MIER2: variants seen among roughly 807,000 people sequenced by gnomAD.
MIER2 encodes the protein MIER family member 2.
A neutral mutation model predicts 67.6 loss-of-function variants in MIER2; 30 were observed. The observed-to-expected ratio is 0.44, with a 90% CI of 0.33 to 0.60. MIER2 has a LOEUF of 0.60. Among genes scored for constraint, MIER2 ranks in the 20% least tolerant of loss-of-function variants. The probability of loss-of-function intolerance (pLI) is 0.02; values close to 1 mark genes in which losing one functional copy is unlikely to be tolerated. For synonymous variants in MIER2, 372 were observed against 312.6 expected (o/e 1.19, Z -2.00); for missense variants, 702 against 745.1 (o/e 0.94, Z 0.67).
intron 10 of MIER2, among the ~76,000 whole-genome samples, chr19:310,548 CAGAAACACGGCCCGGAGCTAT>C (rs1255899218): frequency 2.0e-4 from 21 of 105,672 alleles, no homozygotes; most frequent in South Asian, 2.8e-4. Flanking sequence ...CCCGGAGCTG[CAGAAACACGGCCCGGAGCTAT>C]AGAAACACGG....
chr19:306,838 G>A, intron 13 of MIER2, 127 bp from the exon 14 acceptor site: 3 of 1,440,034 alleles, frequency 2.1e-6, no homozygotes, highest in Non-Finnish European at 2.8e-6. Context: ...TGGCAGCCGG[G>A]CCCGGGGTGC....
rs372275294 is a variant in MIER2 at position 314,161 on chromosome 19, A to C, written c.656-518T>G. Reference sequence around the variant, plus strand: ...GGCCCGTGGACAAGCGGGAGCCCCCACAGTTAGGCACTGTCGCGCTCTAAC... The same window carrying C: ...GGCCCGTGGACAAGCGGGAGCCCCCCCAGTTAGGCACTGTCGCGCTCTAAC... On this transcript the variant is annotated intron_variant, in intron 7 of 13. Coordinates refer to ENST00000264819, the MANE Select transcript of MIER2 (RefSeq NM_017550.3). Among the ~76,000 whole-genome samples, 535 of 152,316 alleles carry C rather than the reference A, an allele frequency of 3.5e-3. 1 individual carries two copies. The highest frequency in any genetic ancestry group is 0.03 in the South Asian group (147 of 4,828).
At chr19:325,390 T>A (rs1291670791) in intron 7 of MIER2, among the ~76,000 whole-genome samples, 2 of 152,032 alleles carry the variant, frequency 1.3e-5, no homozygotes, top group African/African-American at 4.8e-5. Context: ...GACGGGCTGC[T>A]GAGGGTCTGG....
chr19:314,381 G>A (rs1055027723), intron 7 of MIER2, among the ~76,000 whole-genome samples: 3 of 152,220 alleles, frequency 2.0e-5, no homozygotes, highest in African/African-American at 7.2e-5. Flanking sequence ...GACAAGGCAG[G>A]GGAGAGCTCA....
At chr19:342,994 C>T (rs1972571187) in intron 1 of MIER2, among the ~76,000 whole-genome samples, 1 of 152,160 alleles carries the variant, frequency 6.6e-6, no homozygotes. Context: ...AACCCACCCA[C>T]GTCTCTCTCT....
intron 7 of MIER2, among the ~76,000 whole-genome samples, chr19:317,219 C>G (rs146285525): frequency 1.3e-5 from 2 of 152,006 alleles, no homozygotes; most frequent in Non-Finnish European, 2.9e-5. Context: ...ATGGAGACAA[C>G]CCATCTCTAC....
Position 344,786 on chromosome 19 carries a change from C to CGT in MIER2, c.-6_-5dup. On this transcript the variant is annotated 5_prime_UTR_variant, in exon 1 of 14. Coordinates refer to ENST00000264819, the MANE Select transcript of MIER2 (RefSeq NM_017550.3). ...CCCGCTCACTCACCTCCGCCATGGC[C>CGT]GTGTGTGCGCGGGAGGCGGTGGCCG... 2 of 1,196,740 alleles carry CGT rather than the reference C, an allele frequency of 1.7e-6. No individual in the cohort carries two copies. The highest frequency in any genetic ancestry group is 1.0e-6 in the Non-Finnish European group (1 of 965,306). The allele number at this position is 1,196,740 out of a possible 1,614,324, so 74.1% of individuals were successfully genotyped here. A position where few individuals can be genotyped will look rare whatever the true frequency, so the allele number is the denominator to read the frequency against.
intron 7 of MIER2, among the ~76,000 whole-genome samples, chr19:316,585 C>T (rs756544169): frequency 5.3e-5 from 8 of 152,144 alleles, no homozygotes; most frequent in East Asian, 1.9e-4. Context: ...CCACCACAGC[C>T]GGCTCATATG....
chr19:309,039 C>A, intron 10 of MIER2, 114 bp from the exon 11 acceptor site: 1 of 1,429,484 alleles, frequency 7.0e-7, no homozygotes, highest in East Asian at 2.3e-5. Flanking sequence ...GCACAGCACC[C>A]ACCACTCTCA....
chr19:307,261 C>G lies in MIER2; in HGVS notation c.1474G>C (p.Asp492His), dbSNP rs767993093. ...LISSHVDLSG[D>H]PEETVAPAQV... ...GCTGGGGCCACAGTCTCCTCCGGAT[C>G]CCCGCTGAGGTCCACATGGCTGGAG... Residue 492 changes from aspartate (D) to histidine (H), a missense_variant, in exon 13 of 14, where the codon GAT becomes CAT. Transcript: ENST00000264819. 7 of 1,596,702 alleles carry G rather than the reference C, an allele frequency of 4.4e-6. No homozygotes were observed. The South Asian group carries it at 6.8e-5, about 16-fold the overall frequency.
chr19:326,666 C>A, intron 5 of MIER2, 68 bp from the exon 6 acceptor site: 1 of 1,233,098 alleles, frequency 8.1e-7, no homozygotes, highest in Non-Finnish European at 1.2e-6. Flanking sequence ...CCCTTCTCTC[C>A]ACTCCCATTC....
chr19:344,179 C>T, intron 1 of MIER2: 1 of 985,438 alleles, frequency 1.0e-6, no homozygotes, highest in Non-Finnish European at 1.2e-6. Flanking sequence ...GCTCTCTAGG[C>T]CCCGGCAGAC....
intron 7 of MIER2, among the ~76,000 whole-genome samples, chr19:320,969 G>A (rs1379604169): frequency 6.6e-6 from 1 of 152,144 alleles, no homozygotes; most frequent in East Asian, 1.9e-4. Context: ...ACATTTAGGG[G>A]CCACTTTAAT....
At position 334,422 on chromosome 19, in the gene MIER2, A is replaced by G; in HGVS notation, c.221T>C (p.Leu74Pro). 1 of 1,614,184 alleles carries G rather than the reference A, an allele frequency of 6.2e-7. No homozygotes were observed. Among genetic ancestry groups the G allele is most frequent in the African/African-American group, 1.3e-5 (1 of 75,060 alleles). ...SRCPDKPKEELEKDFISQSND... is the reference protein window; with the variant it reads ...SRCPDKPKEEPEKDFISQSND... ...TACCTGGGAGATGAAGTCCTTCTCC[A>G]GCTCCTCCTTGGGCTTGTCTGGGCA... is the stretch of plus-strand genomic sequence containing the variant. Residue 74 changes from leucine to proline, a missense_variant, in exon 3 of 14, where the codon CTG becomes CCG. Coordinates refer to ENST00000264819, the MANE Select transcript of MIER2 (RefSeq NM_017550.3).
At chr19:342,171 C>T (rs543769222) in intron 1 of MIER2, among the ~76,000 whole-genome samples, 2 of 152,320 alleles carry the variant, frequency 1.3e-5, no homozygotes, top group Admixed American at 6.5e-5. Flanking sequence ...CAGCACCCCA[C>T]TCCTCCGTCT....
rs1179309168 is a variant in MIER2 at position 308,747 on chromosome 19, C to A, written c.1109+54G>T. On this transcript the variant is annotated intron_variant, in intron 11 of 13. Coordinates refer to ENST00000264819, the MANE Select transcript of MIER2 (RefSeq NM_017550.3). This position sits in a 1 kb window ranked among gnomAD's most constrained non-coding sequence, Gnocchi z 9.1. Reference sequence around the variant, plus strand: ...AGGTGCCGCCCAGGCGCCCACGTGCCCACCCCCGGCGGGGTGGCCGCCTGT... The same window carrying A: ...AGGTGCCGCCCAGGCGCCCACGTGCACACCCCCGGCGGGGTGGCCGCCTGT... 1.3e-6 allele frequency: 2 copies of A among 1,593,336 alleles called. No homozygotes were observed. The highest frequency in any genetic ancestry group is 2.7e-5 in the African/African-American group (2 of 74,424).
In MIER2 at chr19:306,571, G is replaced by C. The variant is rs377758844; in HGVS notation, c.*119C>G. 1.5e-6 allele frequency: 2 copies of C among 1,340,518 alleles called. No individual in the cohort carries two copies. The highest frequency in any genetic ancestry group is 4.0e-5 in the Admixed American group (2 of 49,642). 83.0% of individuals were successfully genotyped at this position (1,340,518 alleles called of 1,614,324 possible). A position where few individuals can be genotyped will look rare whatever the true frequency, so the allele number is the denominator to read the frequency against. ...CCCAGTCCTGACGTGTTCTGAAGCA[G>C]AAGGAGGTGCTACCCCAAGGCCCGG... On this transcript the variant is annotated 3_prime_UTR_variant, in exon 14 of 14. Transcript: ENST00000264819.
intron 1 of MIER2, chr19:344,403 C>A (rs1972645128): frequency 1.0e-6 from 1 of 983,872 alleles, no homozygotes; most frequent in African/African-American, 1.8e-5. Flanking sequence ...GCCGCGGGGC[C>A]CGGGCCGGGG....
intron 3 of MIER2, among the ~76,000 whole-genome samples, chr19:329,149 C>T (rs1195791372): frequency 1.3e-5 from 2 of 152,154 alleles, no homozygotes; most frequent in African/African-American, 4.8e-5. Context: ...TTAGCACTGG[C>T]CTCCCCTCCA....
Sources: allele counts gnomAD v4.1 joint callset (sites outside exome capture counted in the v4.1 genomes callset), GRCh38; gene constraint gnomAD v4.1.1; non-coding constraint Gnocchi (gnomAD v3.1); transcripts MANE v1.5; gene names NCBI Gene and HGNC (gene_info 2026-07-23, HGNC 2026-07-21).